SULF2: variants seen among roughly 807,000 people sequenced by gnomAD.
SULF2 encodes sulfatase 2.
In SULF2, 52 loss-of-function variants were observed where a neutral mutation model predicts 107.7. The ratio of observed to expected loss-of-function variants is 0.48; its 90% CI spans 0.39 to 0.61. The LOEUF is 0.61. Ranked by LOEUF, SULF2 falls within the 20% of genes least tolerant of loss-of-function variation. SULF2 has a pLI of 0.00. For synonymous variants in SULF2, 460 were observed against 464.3 expected, an observed-to-expected ratio of 0.99 and a Z score of 0.12; for missense variants, 993 against 1,177.3, an observed-to-expected ratio of 0.84 and a Z score of 2.29.
intron 5 of SULF2, 48 bp downstream of exon 5, chr20:47,690,078 C>G: frequency 7.4e-7 from 1 of 1,355,520 alleles, no homozygotes. Context: ...CTGACCCTCC[C>G]CCTTCATGCT....
Position 47,661,842 on chromosome 20 carries a change from G to A in SULF2, c.2425C>T (p.Gln809Ter), listed in dbSNP as rs756543132. The change falls in exon 18 of 21, where the codon CAG (glutamine) becomes TAG (stop). Residue 809 changes from glutamine to a stop codon, truncating the protein, a stop_gained. Transcript: ENST00000688720. LOFTEE classifies it high-confidence loss of function. ...DRDVLNQLHV[Q>*]LMELRSCKGY... ...TTGCAGCTCCTCAGCTCCATGAGCT[G>A]TACGTGTAGCTGGTTGAGGACATCC... The A allele has an allele frequency of 6.3e-7, 1 of 1,596,028 alleles. No individual in the cohort carries two copies. The highest frequency in any genetic ancestry group is 1.1e-5 in the South Asian group (1 of 88,508).
intron 2 of SULF2, among the ~76,000 whole-genome samples, chr20:47,745,382 G>GAAAAAA (rs1158560282): frequency 1.9e-5 from 1 of 52,044 alleles, no homozygotes. Flanking sequence ...AGTTTTGAGG[G>GAAAAAA]AAAAAAAAAA....
intron 3 of SULF2, among the ~76,000 whole-genome samples, chr20:47,710,515 G>A (rs901090065): frequency 6.6e-6 from 1 of 151,794 alleles, no homozygotes; most frequent in South Asian, 2.1e-4. Context: ...CCATCCAGGC[G>A]TGTAATGCAC....
intron 1 of SULF2, among the ~76,000 whole-genome samples, chr20:47,758,683 G>T (rs903040714): frequency 6.6e-6 from 1 of 152,136 alleles, no homozygotes; most frequent in African/African-American, 2.4e-5. Flanking sequence ...TTTGCTCTCC[G>T]TGGTCATTTT....
intron 1 of SULF2, among the ~76,000 whole-genome samples, chr20:47,772,573 G>C (rs1194129422): frequency 6.6e-6 from 1 of 152,182 alleles, no homozygotes; most frequent in Non-Finnish European, 1.5e-5. Flanking sequence ...CAGAGGCTTG[G>C]AGGAGAGCAG....
upstream of SULF2, among the ~76,000 whole-genome samples, chr20:47,785,647 CCCCA>C (rs2090918990): frequency 6.8e-6 from 1 of 146,746 alleles, no homozygotes; most frequent in African/African-American, 2.4e-5. Context: ...GGCCACGCTG[CCCCA>C]GCCAGCCCCT....
At chr20:47,665,749 C>T (rs758943279) in intron 13 of SULF2, 108 bp downstream of exon 13, 44 of 901,696 alleles carry the variant, frequency 4.9e-5, no homozygotes, top group Non-Finnish European at 7.7e-5. Flanking sequence ...CACTTCACCT[C>T]TCCAGCCTCT....
intron 1 of SULF2, among the ~76,000 whole-genome samples, chr20:47,760,798 T>A (rs1487876645): frequency 2.6e-5 from 4 of 152,168 alleles, no homozygotes; most frequent in African/African-American, 9.7e-5. Flanking sequence ...ATGAGAACTG[T>A]GAGTTTCATG....
chr20:47,715,462 G>C (rs982663673), intron 3 of SULF2, among the ~76,000 whole-genome samples: 12 of 152,170 alleles, frequency 7.9e-5, no homozygotes, highest in African/African-American at 2.9e-4. Context: ...ATCTAGAACA[G>C]AGCTTGGTCA....
intron 6 of SULF2, among the ~76,000 whole-genome samples, chr20:47,684,035 T>C (rs1431062248): frequency 2.0e-5 from 3 of 152,112 alleles, no homozygotes; most frequent in Non-Finnish European, 4.4e-5. Context: ...GGTTTCTCTT[T>C]GGGGTAAGAA....
chr20:47,784,168 G>A (rs1303508315), intron 1 of SULF2, among the ~76,000 whole-genome samples: 2 of 152,170 alleles, frequency 1.3e-5, no homozygotes, highest in African/African-American at 4.8e-5. Context: ...CCCCTTCTCT[G>A]CCCCAAAAGT....
chr20:47,722,133 T>A (rs1005545462), intron 3 of SULF2, among the ~76,000 whole-genome samples: 1 of 152,238 alleles, frequency 6.6e-6, no homozygotes, highest in African/African-American at 2.4e-5. Flanking sequence ...CACTGGGACC[T>A]GGCAAAGTTT....
rs562137501 is a variant in SULF2, at chr20:47,758,247, C to T, written c.-100-784G>A. On this transcript the variant is annotated intron_variant, in intron 1 of 20. Coordinates refer to ENST00000688720, the MANE Select transcript of SULF2 (RefSeq NM_001387048.1). ...GCAATGACGCCATCTGGGCTCACTG[C>T]GACCTCTGCCTCCTGGTGTTCAAGC... Among the ~76,000 whole-genome samples the T allele has an allele frequency of 1.2e-4, 18 of 148,346 alleles. No individual in the cohort carries two copies. The East Asian group carries it at 2.6e-3, about 21-fold the overall frequency.
intron 2 of SULF2, among the ~76,000 whole-genome samples, chr20:47,740,971 T>C (rs1258766790): frequency 6.6e-6 from 1 of 152,102 alleles, no homozygotes; most frequent in Non-Finnish European, 1.5e-5. Flanking sequence ...CATCTTTCAG[T>C]TCCCACATCC....
chr20:47,737,007 C>T lies in SULF2; in HGVS notation c.176-65G>A, dbSNP rs959001793. Reference sequence around the variant, plus strand: ...CCCGGGCGGCACCGGCACCAGGGGGCTCTCAGCACGTGGCATCCCTAGGTC... The same window carrying T: ...CCCGGGCGGCACCGGCACCAGGGGGTTCTCAGCACGTGGCATCCCTAGGTC... On this transcript the variant is annotated intron_variant, in intron 2 of 20. Coordinates refer to ENST00000688720, the MANE Select transcript of SULF2 (RefSeq NM_001387048.1). The T allele has an allele frequency of 1.9e-5, 31 of 1,602,058 alleles. No individual in the cohort carries two copies. The South Asian group carries it at 2.6e-4, about 13-fold the overall frequency.
chr20:47,745,521 C>A (rs1282775873), intron 2 of SULF2, among the ~76,000 whole-genome samples: 2 of 134,120 alleles, frequency 1.5e-5, no homozygotes, highest in African/African-American at 5.4e-5. Flanking sequence ...TGCATGCCAG[C>A]TTTTATTTAT....
intron 4 of SULF2, among the ~76,000 whole-genome samples, chr20:47,696,169 C>A (rs536445071): frequency 6.6e-6 from 1 of 152,128 alleles, no homozygotes; most frequent in Non-Finnish European, 1.5e-5. Context: ...CCTCTCTGGG[C>A]CTCAGTTTTC....
intron 2 of SULF2, among the ~76,000 whole-genome samples, chr20:47,751,528 G>T (rs1293817820): frequency 6.6e-6 from 1 of 152,192 alleles, no homozygotes; most frequent in Non-Finnish European, 1.5e-5. Flanking sequence ...CCTGTATGGT[G>T]TTCATGTGGG....
chr20:47,738,764 T>C (rs1289160207), intron 2 of SULF2, among the ~76,000 whole-genome samples: 1 of 152,216 alleles, frequency 6.6e-6, no homozygotes, highest in Non-Finnish European at 1.5e-5. Context: ...CACATGGAAC[T>C]AAGTCCATTA....
Sources: gnomAD v4.1 joint callset for allele counts (sites outside exome capture counted in the v4.1 genomes callset) on GRCh38, gnomAD v4.1.1 for gene constraint, MANE v1.5 for transcripts, NCBI Gene and HGNC (gene_info 2026-07-23, HGNC 2026-07-21) for gene names.